RPTOR: variants seen among roughly 807,000 people sequenced by gnomAD.
RPTOR encodes the protein regulatory-associated protein of mTOR.
In RPTOR, 21 loss-of-function variants were observed where a neutral mutation model predicts 169.9. The observed-to-expected ratio is 0.12, with a 90% confidence interval of 0.09 to 0.18. RPTOR has a LOEUF of 0.18. Among genes scored for constraint, RPTOR ranks in the 10% least tolerant of loss-of-function variants. The pLI is 1.00. For missense variants in RPTOR, 1,133 were observed against 1,855.9 expected (o/e 0.61, Z 7.16); for synonymous variants, 732 against 753.2 (o/e 0.97, Z 0.46).
rs1390610142 is a variant in RPTOR at position 80,860,387 on chromosome 17, C to T, written c.1509+2487C>T. Among the ~76,000 whole-genome samples the T allele has an allele frequency of 3.3e-5, 5 of 152,176 alleles. No homozygotes were observed. The highest frequency in any genetic ancestry group is 1.2e-4 in the African/African-American group (5 of 41,456). ...TCAGCCCTGCACACCCCACACAAAG[C>T]CACTGCTGTGTCTCCCACCCACAGC... On this transcript the variant is annotated intron_variant, in intron 13 of 33. Coordinates refer to ENST00000306801, the MANE Select transcript of RPTOR (RefSeq NM_020761.3). This position sits in a 1 kb window ranked among gnomAD's most constrained non-coding sequence, Gnocchi z 5.8.
intron 1 of RPTOR, among the ~76,000 whole-genome samples, chr17:80,624,726 A>G (rs2065379837): frequency 1.3e-5 from 2 of 152,354 alleles, no homozygotes; most frequent in Admixed American, 1.3e-4. Flanking sequence ...CATATACCAG[A>G]ATAACATCCA....
At chr17:80,829,352 G>A (rs1442438801) in intron 9 of RPTOR, among the ~76,000 whole-genome samples, 1 of 152,218 alleles carries the variant, frequency 6.6e-6, no homozygotes, top group Admixed American at 6.5e-5. Context: ...CAGCGCCCGG[G>A]CTGTGCTCAG....
chr17:80,930,832 C>G (rs2068888894), intron 24 of RPTOR, among the ~76,000 whole-genome samples: 1 of 152,208 alleles, frequency 6.6e-6, no homozygotes, highest in Admixed American at 6.5e-5. Flanking sequence ...CTTCCTCCCA[C>G]AGCTGGGGCA....
intron 7 of RPTOR, chr17:80,801,618 A>ATTTTC (rs2067158818): frequency 6.6e-6 from 1 of 152,238 alleles, no homozygotes. Context: ...TGAAAGGAAA[A>ATTTTC]CTATCAAAAG....
At chr17:80,672,385 T>A (rs940486892) in intron 3 of RPTOR, among the ~76,000 whole-genome samples, 12 of 127,112 alleles carry the variant, frequency 9.4e-5, no homozygotes, top group East Asian at 2.2e-4. Context: ...TTTTTTTTTT[T>A]AAATGGTTAC....
At chr17:80,773,315 C>T (rs982129119) in intron 6 of RPTOR, among the ~76,000 whole-genome samples, 2 of 152,250 alleles carry the variant, frequency 1.3e-5, no homozygotes, top group African/African-American at 2.4e-5. Flanking sequence ...CGCACAGAGA[C>T]TCTGCAGTTG....
chr17:80,678,758 C>T (rs1037758925), intron 3 of RPTOR, among the ~76,000 whole-genome samples: 4 of 152,108 alleles, frequency 2.6e-5, no homozygotes, highest in Non-Finnish European at 5.9e-5. Context: ...GAAGGAGCGG[C>T]GCCCTGGGAT....
At chr17:80,647,798 T>A (rs2065608507) in intron 3 of RPTOR, among the ~76,000 whole-genome samples, 1 of 152,138 alleles carries the variant, frequency 6.6e-6, no homozygotes, top group Admixed American at 6.5e-5. Flanking sequence ...CTGCGAGTAG[T>A]GAAGGCAGCA....
intron 3 of RPTOR, among the ~76,000 whole-genome samples, chr17:80,667,755 G>A (rs2065791668): frequency 6.6e-6 from 1 of 152,184 alleles, no homozygotes; most frequent in Non-Finnish European, 1.5e-5. Flanking sequence ...ACTAACTGCA[G>A]TTTGGACTTA....
intron 2 of RPTOR, among the ~76,000 whole-genome samples, chr17:80,635,250 G>C (rs1319859661): frequency 6.6e-6 from 1 of 152,162 alleles, no homozygotes; most frequent in Non-Finnish European, 1.5e-5. Flanking sequence ...CCTTTCTGCA[G>C]CCACACCTCT....
intron 2 of RPTOR, among the ~76,000 whole-genome samples, chr17:80,631,014 G>A (rs8080265): frequency 0.31 from 46,423 of 152,054 alleles, 7,218 homozygotes; most frequent in Middle Eastern, 0.37. Context: ...CCCCAGTGAT[G>A]GCAAACGTCT....
chr17:80,728,620 T>A (rs191282414), intron 4 of RPTOR, among the ~76,000 whole-genome samples: 1 of 152,332 alleles, frequency 6.6e-6, no homozygotes, highest in Non-Finnish European at 1.5e-5. Context: ...TTTCTGTTGA[T>A]TTGTTTGTCT....
At chr17:80,796,426 A>T (rs542809554) in intron 7 of RPTOR, among the ~76,000 whole-genome samples, 58 of 152,336 alleles carry the variant, frequency 3.8e-4, no homozygotes, top group Middle Eastern at 3.4e-3. Flanking sequence ...ACTTACAGTC[A>T]TGGCAGAAAG....
At chr17:80,777,350 T>C (rs1029134895) in intron 6 of RPTOR, among the ~76,000 whole-genome samples, 1 of 152,220 alleles carries the variant, frequency 6.6e-6, no homozygotes, top group African/African-American at 2.4e-5. Context: ...TATTTCGAAA[T>C]TTACGGATAA....
At chr17:80,961,579 T>C in intron 31 of RPTOR, 99 bp downstream of exon 31, 1 of 1,327,474 alleles carries the variant, frequency 7.5e-7, no homozygotes, top group Non-Finnish European at 1.0e-6. Flanking sequence ...TGGAAGGGGA[T>C]GGCATTTCGG....
At chr17:80,712,814 A>T (rs1053550750) in intron 4 of RPTOR, among the ~76,000 whole-genome samples, 1 of 152,164 alleles carries the variant, frequency 6.6e-6, no homozygotes, top group Admixed American at 6.5e-5. Flanking sequence ...GTTGCTCCAC[A>T]TGCTCATCAG....
chr17:80,921,493 C>T (rs759054358), intron 21 of RPTOR, among the ~76,000 whole-genome samples: 1 of 152,246 alleles, frequency 6.6e-6, no homozygotes. Flanking sequence ...TGTCGGTGGC[C>T]GGGCAGCGCA....
At chr17:80,663,497 G>C (rs1030859985) in intron 3 of RPTOR, among the ~76,000 whole-genome samples, 10 of 152,144 alleles carry the variant, frequency 6.6e-5, no homozygotes, top group Admixed American at 2.0e-4. Flanking sequence ...CAGTGAGCTG[G>C]GAGGTATTTG....
At chr17:80,634,265 G>GTGTGTGTGCATACCGTGTGTGTGCGTAC (rs1567830409) in intron 2 of RPTOR, among the ~76,000 whole-genome samples, 18 of 116,860 alleles carry the variant, frequency 1.5e-4, no homozygotes, top group African/African-American at 9.1e-4. Context: ...CGTGCATACC[G>GTGTGTGTGCATACCGTGTGTGTGCGTAC]TGTGTGTGCG....
Sources: allele counts gnomAD v4.1 joint callset (sites outside exome capture counted in the v4.1 genomes callset), GRCh38; gene constraint gnomAD v4.1.1; non-coding constraint Gnocchi (gnomAD v3.1); transcripts MANE v1.5; gene names NCBI Gene and HGNC (gene_info 2026-07-23, HGNC 2026-07-21).